The following CALB1 variants were observed in gnomAD, a reference collection of about 807,000 sequenced individuals.
CALB1 encodes calbindin.
A neutral mutation model predicts 46.7 loss-of-function variants in CALB1; 16 were observed. That is an observed-to-expected ratio of 0.34 (90% CI 0.23 to 0.52). The LOEUF is 0.52. Ranked by LOEUF, CALB1 falls within the 20% of genes least tolerant of loss-of-function variation. The pLI is 0.95. For synonymous variants in CALB1, 90 were observed against 112.8 expected (o/e 0.80, Z 1.28); for missense variants, 224 against 300.3 (o/e 0.75, Z 1.88).
chr8:90,070,788 TA>T (rs1437468558), intron 3 of CALB1, among the ~76,000 whole-genome samples: 1 of 151,890 alleles, frequency 6.6e-6, no homozygotes, highest in African/African-American at 2.4e-5. Flanking sequence ...CCAGTGCTTT[TA>T]AAAAAATGTA....
chr8:90,060,515 A>G (rs1185286241), intron 10 of CALB1, 114 bp downstream of exon 10: 1 of 868,516 alleles, frequency 1.2e-6, no homozygotes, highest in Non-Finnish European at 1.9e-6. Context: ...ATTGAATTCT[A>G]TTTCTGCTCC....
intron 8 of CALB1, 33 bp from the exon 9 acceptor site, chr8:90,063,186 G>A: frequency 6.4e-7 from 1 of 1,554,750 alleles, no homozygotes; most frequent in Non-Finnish European, 8.9e-7. Context: ...ATGTTAAAAT[G>A]TTATTACTAT....
At chr8:90,068,386 G>A (rs1814437637) in intron 5 of CALB1, among the ~76,000 whole-genome samples, 1 of 152,154 alleles carries the variant, frequency 6.6e-6, no homozygotes, top group African/African-American at 2.4e-5. Context: ...TTTAATTTTA[G>A]AAGATTTTTT....
chr8:90,076,080 C>T (rs762766624), intron 3 of CALB1, among the ~76,000 whole-genome samples: 17 of 152,058 alleles, frequency 1.1e-4, no homozygotes, highest in Non-Finnish European at 2.4e-4. Flanking sequence ...ACACTAAAAC[C>T]TTCCAATCAG....
chr8:90,068,866 G>A lies in CALB1; in HGVS notation c.372+132C>T, dbSNP rs1814447745. The A allele has an allele frequency of 1.3e-5, 8 of 609,964 alleles. No individual in the cohort carries two copies. In the Middle Eastern group the frequency reaches 1.8e-3, roughly 137 times the overall value. The allele number at this position is 609,964 out of a possible 1,614,324, so 37.8% of individuals were successfully genotyped here. On this transcript the variant is annotated intron_variant, in intron 5 of 10. Transcript: ENST00000265431. ...GATCTGGTACTTCATTAACAATGTC[G>A]AAGAGTAGGTGAAAATGTGACACTG...
chr8:90,063,131 T>G lies in CALB1; in HGVS notation c.569A>C (p.Glu190Ala). Residue 190 changes from glutamate to alanine, a missense_variant, in exon 9 of 11, where the codon GAG becomes GCG. Transcript: ENST00000265431. ...KFQGIKMCGK[E>A]FNKAFELYDQ... is the part of the protein sequence containing the mutation. The stretch of plus-strand genomic sequence containing the variant: ...ATACAGCTCAAAAGCCTTATTGAAC[T>G]CTTTCCCACACATTTTGATTCCCTA... The G allele has an allele frequency of 6.2e-7, 1 of 1,609,068 alleles. No individual in the cohort carries two copies. The highest frequency in any genetic ancestry group is 8.5e-7 in the Non-Finnish European group (1 of 1,176,244).
At chr8:90,074,897 CA>C (rs1335455306) in intron 3 of CALB1, among the ~76,000 whole-genome samples, 6 of 152,164 alleles carry the variant, frequency 3.9e-5, no homozygotes, top group African/African-American at 1.4e-4. Context: ...ATGTGAACAC[CA>C]GAGAAGAAAG....
At chr8:90,080,894 T>C (rs1814718460) in intron 2 of CALB1, among the ~76,000 whole-genome samples, 1 of 152,064 alleles carries the variant, frequency 6.6e-6, no homozygotes, top group Admixed American at 6.5e-5. Context: ...ATATTAGAGG[T>C]GGTGATCTGC....
rs778964362 is a variant in CALB1, at chr8:90,060,184, C to T, written c.775G>A (p.Gly259Arg). 11 of 1,610,400 alleles carry T rather than the reference C, an allele frequency of 6.8e-6. No homozygotes were observed. The highest frequency in any genetic ancestry group is 2.7e-5 in the African/African-American group (2 of 74,830). Residue 259 changes from glycine to arginine, a missense_variant, in exon 11 of 11, where the codon GGG (glycine) becomes AGG (arginine). Coordinates refer to ENST00000265431, the MANE Select transcript of CALB1 (RefSeq NM_004929.4). ...TGCGGCCACCAACTCTAGTTATCCC[C>T]AGCACAGAGAATAAGAGCAAGATCC... ...RTDLALILCA[G>R]DN
intron 3 of CALB1, among the ~76,000 whole-genome samples, chr8:90,078,072 T>C (rs1318259724): frequency 1.3e-5 from 2 of 152,072 alleles, no homozygotes; most frequent in African/African-American, 2.4e-5. Context: ...GTCAGGGACT[T>C]GTTCCTCTAA....
intron 5 of CALB1, among the ~76,000 whole-genome samples, chr8:90,067,678 T>A (rs1367042220): frequency 1.3e-5 from 2 of 152,208 alleles, no homozygotes; most frequent in Admixed American, 1.3e-4. Flanking sequence ...GAATTATGAC[T>A]AGAACTGTTG....
At chr8:90,066,725 C>T (rs2130229994) in intron 5 of CALB1, among the ~76,000 whole-genome samples, 1 of 152,110 alleles carries the variant, frequency 6.6e-6, no homozygotes, top group African/African-American at 2.4e-5. Context: ...TTAACAGAAA[C>T]ATAAATAAAA....
At chr8:90,061,776 A>G (rs112713753) in intron 9 of CALB1, 10 of 152,246 alleles carry the variant, frequency 6.6e-5, no homozygotes, top group African/African-American at 2.2e-4. Context: ...TAAAATGTCT[A>G]TATTACTCAA....
intron 3 of CALB1, among the ~76,000 whole-genome samples, chr8:90,075,448 C>G (rs1814606721): frequency 6.6e-6 from 1 of 152,106 alleles, no homozygotes; most frequent in South Asian, 2.1e-4. Context: ...TGCTTGATGT[C>G]AGTAGGTAGA....
At chr8:90,074,359 C>T (rs879583285) in intron 3 of CALB1, among the ~76,000 whole-genome samples, 15 of 152,054 alleles carry the variant, frequency 9.9e-5, no homozygotes, top group Non-Finnish European at 2.1e-4. Flanking sequence ...TGTTCACTAC[C>T]AAGGAAACAG....
intron 2 of CALB1, among the ~76,000 whole-genome samples, chr8:90,080,232 CAG>C (rs1341850578): frequency 6.6e-6 from 1 of 151,682 alleles, no homozygotes; most frequent in Admixed American, 6.6e-5. Flanking sequence ...TATTCCAAAA[CAG>C]AGAAAAATAA....
rs1035775672 is a variant in CALB1 at position 90,059,454 on chromosome 8, C to G, written c.*719G>C. The stretch of plus-strand genomic sequence containing the variant: ...CAGTTGACTAGAATAATTTGCAACA[C>G]ATGAAAACAGTTTAGAAAATGGATT... On this transcript the variant is annotated 3_prime_UTR_variant, in exon 11 of 11. Transcript: ENST00000265431. 1.3e-5 allele frequency: 2 copies of G among 152,526 alleles called. No homozygotes were observed. Among genetic ancestry groups the G allele is most frequent in the African/African-American group, 4.8e-5 (2 of 41,414 alleles). The allele number at this position is 152,526 out of a possible 1,614,324, so 9.4% of individuals were successfully genotyped here. A position where few individuals can be genotyped will look rare whatever the true frequency, so the allele number is the denominator to read the frequency against.
intron 3 of CALB1, among the ~76,000 whole-genome samples, chr8:90,071,718 A>G (rs1814521035): frequency 6.6e-6 from 1 of 152,204 alleles, no homozygotes; most frequent in African/African-American, 2.4e-5. Flanking sequence ...TTATGTATAC[A>G]TTTTGGAGGG....
At chr8:90,071,277 T>C (rs1053810572) in intron 3 of CALB1, among the ~76,000 whole-genome samples, 3 of 152,210 alleles carry the variant, frequency 2.0e-5, no homozygotes, top group African/African-American at 4.8e-5. Flanking sequence ...ATTTTCCTTA[T>C]AAAAATCCCT....
Sources: gnomAD v4.1 joint callset for allele counts (sites outside exome capture counted in the v4.1 genomes callset) on GRCh38, gnomAD v4.1.1 for gene constraint, MANE v1.5 for transcripts, NCBI Gene and HGNC (gene_info 2026-07-23, HGNC 2026-07-21) for gene names.